Variants in NLGN2 observed in about 807,000 individuals in gnomAD.
NLGN2 encodes neuroligin 2.
NLGN2 carries 11 observed loss-of-function variants against 48.6 expected under a neutral mutation model. The ratio of observed to expected loss-of-function variants is 0.23; its 90% confidence interval spans 0.14 to 0.37. The LOEUF (loss-of-function observed/expected upper bound fraction) is 0.37, where lower values mean the gene tolerates loss of function less well. Ranked by LOEUF, NLGN2 falls within the 10% of genes least tolerant of loss-of-function variation. The pLI is 1.00. For synonymous variants in NLGN2, 548 were observed against 550.0 expected (o/e 1.00, Z 0.05); for missense variants, 801 against 1,225.2 (o/e 0.65, Z 5.17).
upstream of NLGN2, among the ~76,000 whole-genome samples, chr17:7,406,766 G>T (rs1168112217): frequency 6.6e-6 from 1 of 152,144 alleles, no homozygotes; most frequent in Non-Finnish European, 1.5e-5. Flanking sequence ...AACTGTAGGG[G>T]GGGTGGCAAG....
At chr17:7,412,315 C>A in intron 2 of NLGN2, 108 bp downstream of exon 2, 2 of 776,308 alleles carry the variant, frequency 2.6e-6, no homozygotes, top group East Asian at 2.5e-5. Context: ...CAGTCGTTCT[C>A]CCAACTAAAA....
Position 7,417,440 on chromosome 17 carries a change from G to A in NLGN2, c.2149G>A (p.Gly717Ser), listed in dbSNP as rs1232440929. The A allele has an allele frequency of 5.0e-6, 8 of 1,592,836 alleles. No homozygotes were observed. Among genetic ancestry groups the A allele is most frequent in the Admixed American group, 1.7e-5 (1 of 58,026 alleles). The change falls in exon 7 of 7, where the codon GGC becomes AGC. Residue 717 changes from glycine to serine, a missense_variant. Around this residue, in one of 5 missense-constraint regions of NLGN2, gnomAD observed 276 missense variants for 313.9 expected, o/e 0.88. Coordinates refer to ENST00000302926, the MANE Select transcript of NLGN2 (RefSeq NM_020795.4). ...LRCRRLSPPG[G>S]SGSGVPGGGP... ...GTGCAGGCGGCTTAGCCCACCTGGC[G>A]GCTCAGGCTCTGGCGTGCCTGGTGG...
rs368724018 is a variant in NLGN2, at chr17:7,416,025, C to A, written c.1552C>A (p.Leu518Ile). 1 of 1,613,974 alleles carries A rather than the reference C, an allele frequency of 6.2e-7. No individual in the cohort carries two copies. Among genetic ancestry groups the A allele is most frequent in the African/African-American group, 1.3e-5 (1 of 74,894 alleles). Residue 518 changes from leucine to isoleucine, a missense_variant, in exon 6 of 7, where the codon CTC becomes ATC. This residue lies in a region of NLGN2 where 303 missense variants were observed against 600.1 expected (regional missense o/e 0.50). Coordinates refer to ENST00000302926, the MANE Select transcript of NLGN2 (RefSeq NM_020795.4). ...CGTGCCCATGGTGGGTGCCACCGAC[C>A]TCTTCCCCTGTAACTTCTCCAAGAA... is the stretch of plus-strand genomic sequence containing the variant. ...FGVPMVGATD[L>I]FPCNFSKNDV...
At chr17:7,406,655 G>GGGT (rs1555547600), upstream of NLGN2, among the ~76,000 whole-genome samples, 4 of 139,930 alleles carry the variant, frequency 2.9e-5, no homozygotes, top group Admixed American at 6.9e-5. Flanking sequence ...TGGGGGGGCG[G>GGGT]GGGGGGGGCT....
intron 5 of NLGN2, 74 bp downstream of exon 5, chr17:7,415,222 A>G: frequency 2.1e-6 from 3 of 1,410,474 alleles, no homozygotes; most frequent in Non-Finnish European, 1.9e-6. Flanking sequence ...GCCTGTGGGC[A>G]TACCATTTGG....
upstream of NLGN2, among the ~76,000 whole-genome samples, chr17:7,407,828 G>C (rs1366935934): frequency 6.6e-6 from 1 of 152,062 alleles, no homozygotes; most frequent in Non-Finnish European, 1.5e-5. Flanking sequence ...CAGGGGGCCT[G>C]TGGGTGGGAG....
Position 7,408,642 on chromosome 17 carries a change from G to A in NLGN2, c.387G>A (p.Ala129=), listed in dbSNP as rs1183084315. ...TGTGGTTCACCGACAACTTGGAGGC[G>A]GCCGCCACCTACGTGCAGAACCAGA... ...LPVWFTDNLE[A]AATYVQNQSE... Residue 129 remains alanine (A), a synonymous_variant, in exon 1 of 7, where the codon GCG becomes GCA. Transcript: ENST00000302926. This position sits in a 1 kb window ranked among gnomAD's most constrained non-coding sequence, Gnocchi z 7.5. 1 of 1,612,252 alleles carries A rather than the reference G, an allele frequency of 6.2e-7. No homozygotes were observed. Among genetic ancestry groups the A allele is most frequent in the South Asian group, 1.1e-5 (1 of 90,942 alleles).
At position 7,415,969 on chromosome 17, in the gene NLGN2, C is replaced by T. The variant is rs1396674550; in HGVS notation, c.1496C>T (p.Ala499Val). The T allele has an allele frequency of 1.2e-6, 2 of 1,614,052 alleles. No homozygotes were observed. The highest frequency in any genetic ancestry group is 1.3e-5 in the African/African-American group (1 of 74,940). Residue 499 changes from alanine to valine, a missense_variant, in exon 6 of 7, where the codon GCG becomes GTG. Ala to Val is a moderately conservative substitution (Grantham distance 64). Coordinates refer to ENST00000302926, the MANE Select transcript of NLGN2 (RefSeq NM_020795.4). ...GGCCGGCCTGAGTGGGCAGATGCGGCGCACGGGGATGAACTGCCCTATGTC... is the reference window on the plus strand; with the variant it reads ...GGCCGGCCTGAGTGGGCAGATGCGGTGCACGGGGATGAACTGCCCTATGTC... ...AEGRPEWADA[A>V]HGDELPYVFG...
In NLGN2 at chr17:7,415,036, C is replaced by T. The variant is rs774019076; in HGVS notation, c.925C>T (p.Arg309Trp). ...SVNYQPLKYT[R>W]LLAAKVGCDR... ...CAACTACCAGCCGCTCAAGTACACGCGGCTGCTGGCAGCCAAGGTGGGCTG... is the reference window on the plus strand; with the variant it reads ...CAACTACCAGCCGCTCAAGTACACGTGGCTGCTGGCAGCCAAGGTGGGCTG... The change falls in exon 5 of 7, where the codon CGG (arginine) becomes TGG (tryptophan). Residue 309 changes from arginine (R) to tryptophan (W), a missense_variant. Arg to Trp is a moderately radical substitution (Grantham distance 101, BLOSUM62 -3). Coordinates refer to ENST00000302926, the MANE Select transcript of NLGN2 (RefSeq NM_020795.4). 2.6e-5 allele frequency: 42 copies of T among 1,613,216 alleles called. No homozygotes were observed. The highest frequency in any genetic ancestry group is 3.1e-5 in the Non-Finnish European group (36 of 1,180,022).
At chr17:7,407,539 C>A (rs1567658761), upstream of NLGN2, among the ~76,000 whole-genome samples, 1 of 152,320 alleles carries the variant, frequency 6.6e-6, no homozygotes, top group East Asian at 1.9e-4. Flanking sequence ...CACATATAAA[C>A]AAACCTGCCT....
Position 7,415,850 on chromosome 17 carries a change from A to G in NLGN2, c.1377A>G (p.Gln459=), listed in dbSNP as rs1465659175. The G allele has an allele frequency of 2.5e-6, 4 of 1,612,390 alleles. No homozygotes were observed. Among genetic ancestry groups the G allele is most frequent in the Admixed American group, 3.3e-5 (2 of 60,020 alleles). ...KTLLALFTDH[Q]WVAPAVATAK... ...TGCTGGCGCTCTTTACTGACCACCAATGGGTGGCACCAGCTGTGGCCACTG... is the reference window on the plus strand; with the variant it reads ...TGCTGGCGCTCTTTACTGACCACCAGTGGGTGGCACCAGCTGTGGCCACTG... Residue 459 remains glutamine (Q), a synonymous_variant, in exon 6 of 7, where the codon CAA becomes CAG. Coordinates refer to ENST00000302926, the MANE Select transcript of NLGN2 (RefSeq NM_020795.4).
upstream of NLGN2, among the ~76,000 whole-genome samples, chr17:7,406,519 C>T (rs1407878836): frequency 6.6e-6 from 1 of 152,110 alleles, no homozygotes; most frequent in Non-Finnish European, 1.5e-5. Flanking sequence ...GGGGGCATGA[C>T]TGGGTGTGTG....
Position 7,413,190 on chromosome 17 carries a change from A to C in NLGN2, c.508+983A>C, listed in dbSNP as rs1429694310. 2.6e-5 allele frequency among the ~76,000 whole-genome samples: 4 copies of C among 152,244 alleles called. No individual in the cohort carries two copies. The highest frequency in any genetic ancestry group is 5.9e-5 in the Non-Finnish European group (4 of 68,042). ...CCCACATAGAAGCTCTGGCGGAAGC[A>C]GTCAGGAGCATGGGGGCTGCACAGG... On this transcript the variant is annotated intron_variant, in intron 2 of 6. Coordinates refer to ENST00000302926, the MANE Select transcript of NLGN2 (RefSeq NM_020795.4). The surrounding 1 kb of genome is among the most constrained non-coding windows in gnomAD (Gnocchi z 4.9).
At chr17:7,410,857 A>G (rs1297334243) in intron 1 of NLGN2, among the ~76,000 whole-genome samples, 1 of 152,240 alleles carries the variant, frequency 6.6e-6, no homozygotes, top group Admixed American at 6.5e-5. Flanking sequence ...ACTCACGTGC[A>G]CACGTGCCTT....
At position 7,417,622 on chromosome 17, in the gene NLGN2, G is replaced by T. The variant is rs773704497; in HGVS notation, c.2331G>T (p.Pro777=). 7.8e-6 allele frequency: 11 copies of T among 1,416,484 alleles called. No homozygotes were observed. Among genetic ancestry groups the T allele is most frequent in the Non-Finnish European group, 9.1e-6 (10 of 1,094,660 alleles). 87.7% of individuals were successfully genotyped at this position (1,416,484 alleles called of 1,614,324 possible). A position where few individuals can be genotyped will look rare whatever the true frequency, so the allele number is the denominator to read the frequency against. The change falls in exon 7 of 7, where the codon CCG becomes CCT. Residue 777 remains proline, a synonymous_variant. Coordinates refer to ENST00000302926, the MANE Select transcript of NLGN2 (RefSeq NM_020795.4). ...ACACCCTGGCCCTGCGCCGGGCACC[G>T]GACGATGTGCCTCTCTTGGCCCCCG... ...PDYTLALRRA[P]DDVPLLAPGA...
intron 2 of NLGN2, among the ~76,000 whole-genome samples, chr17:7,412,843 T>C (rs1461841807): frequency 6.6e-6 from 1 of 152,232 alleles, no homozygotes; most frequent in Non-Finnish European, 1.5e-5. Context: ...TTTTTGTTTT[T>C]TCTTTTCTTG....
chr17:7,406,906 G>T (rs1386240727), upstream of NLGN2, among the ~76,000 whole-genome samples: 1 of 152,096 alleles, frequency 6.6e-6, no homozygotes, highest in Non-Finnish European at 1.5e-5. Context: ...GAAATTGCTG[G>T]AGGGGGGCAG....
rs1906763283 is a variant in NLGN2 at position 7,408,747 on chromosome 17, G to A, written c.457+35G>A. 3.7e-6 allele frequency: 6 copies of A among 1,611,508 alleles called. No individual in the cohort carries two copies. The East Asian group carries it at 1.3e-4, about 36-fold the overall frequency. On this transcript the variant is annotated intron_variant, in intron 1 of 6. Transcript: ENST00000302926. The surrounding 1 kb of genome is among the most constrained non-coding windows in gnomAD (Gnocchi z 7.5). Reference sequence around the variant, plus strand: ...CGGGCACAAAGCCGGGCACCCCGTGGACACAGCCCACAAACGCACATGCAG... The same window carrying A: ...CGGGCACAAAGCCGGGCACCCCGTGAACACAGCCCACAAACGCACATGCAG...
At chr17:7,410,813 G>GGCGC (rs562331404) in intron 1 of NLGN2, among the ~76,000 whole-genome samples, 1 of 151,210 alleles carries the variant, frequency 6.6e-6, no homozygotes, top group African/African-American at 2.5e-5. Context: ...GGTTGACTCA[G>GGCGC]GCGCGCGCGC....
Sources: allele counts gnomAD v4.1 joint callset (sites outside exome capture counted in the v4.1 genomes callset), GRCh38; gene constraint gnomAD v4.1.1; regional missense constraint gnomAD v4.1.1; non-coding constraint Gnocchi (gnomAD v3.1); transcripts MANE v1.5; gene names NCBI Gene and HGNC (gene_info 2026-07-23, HGNC 2026-07-21).